Variants in OLFM3 observed in about 807,000 individuals in gnomAD.
The protein encoded by OLFM3 is noelin-3.
A neutral mutation model predicts 48.6 loss-of-function variants in OLFM3; 20 were observed. The ratio of observed to expected loss-of-function variants is 0.41; its 90% CI spans 0.29 to 0.60. The LOEUF (loss-of-function observed/expected upper bound fraction) is 0.60, where lower values mean the gene tolerates loss of function less well. Ranked by LOEUF, OLFM3 falls within the 20% of genes least tolerant of loss-of-function variation. The probability of loss-of-function intolerance (pLI) is 0.28; values close to 1 mark genes in which losing one functional copy is unlikely to be tolerated. For missense variants in OLFM3, 437 were observed against 544.3 expected (o/e 0.80, Z 1.96); for synonymous variants, 222 against 198.1 (o/e 1.12, Z -1.01).
intron 1 of OLFM3, among the ~76,000 whole-genome samples, chr1:101,971,815 G>A (rs1660813325): frequency 6.6e-6 from 1 of 151,964 alleles, no homozygotes; most frequent in African/African-American, 2.4e-5. Context: ...ATTCCTATGA[G>A]AACTAAAGGA....
intron 1 of OLFM3, among the ~76,000 whole-genome samples, chr1:101,869,628 G>A (rs1489097635): frequency 6.6e-6 from 1 of 152,028 alleles, no homozygotes; most frequent in African/African-American, 2.4e-5. Context: ...AGGGAGCAGG[G>A]GCAGAACGAT....
At chr1:101,905,434 G>A (rs1025679261) in intron 1 of OLFM3, among the ~76,000 whole-genome samples, 4 of 152,150 alleles carry the variant, frequency 2.6e-5, no homozygotes, top group African/African-American at 9.7e-5. Context: ...TCCAGACTGG[G>A]TGTGAGAAAC....
chr1:101,820,848 T>C (rs1654577510), intron 4 of OLFM3, among the ~76,000 whole-genome samples: 2 of 152,136 alleles, frequency 1.3e-5, no homozygotes, highest in Non-Finnish European at 2.9e-5. Context: ...GTTGTAATTT[T>C]ATTGTTTCTC....
chr1:101,832,766 C>T (rs1400810787), intron 2 of OLFM3, among the ~76,000 whole-genome samples: 1 of 152,190 alleles, frequency 6.6e-6, no homozygotes, highest in African/African-American at 2.4e-5. Flanking sequence ...CTACTCCTGT[C>T]TCTGGTTAGG....
At chr1:101,961,698 G>C (rs192332937) in intron 1 of OLFM3, among the ~76,000 whole-genome samples, 106 of 152,172 alleles carry the variant, frequency 7.0e-4, no homozygotes, top group African/African-American at 2.5e-3. Flanking sequence ...TTAGAAATAA[G>C]CAAATTATCA....
Position 101,956,086 on chromosome 1 carries a change from G to GTT in OLFM3, c.69+40660_69+40661dup, listed in dbSNP as rs71592232. On this transcript the variant is annotated intron_variant, in intron 1 of 5. Transcript: ENST00000370103. ...ATATCTCAATTCAACACAATAACAG[G>GTT]TTTTTTTTTTTTTTTTTAAAAAAAA... Among the ~76,000 whole-genome samples the GTT allele has an allele frequency of 5.9e-3, 621 of 105,062 alleles. 13 individuals carry two copies. The highest frequency in any genetic ancestry group is 0.029 in the Admixed American group (319 of 11,014). The allele number at this position is 105,062 out of a possible 152,430, so 68.9% of individuals were successfully genotyped here.
Position 101,859,615 on chromosome 1 carries a change from A to T in OLFM3, c.70-22590T>A, listed in dbSNP as rs116625876. 9.0e-3 allele frequency among the ~76,000 whole-genome samples: 1,376 copies of T among 152,210 alleles called. 48 individuals are homozygous for T. Among genetic ancestry groups the T allele is most frequent in the African/African-American group, 0.032 (1,322 of 41,476 alleles). On this transcript the variant is annotated intron_variant, in intron 1 of 5. Transcript: ENST00000370103. ...ACTGATTGAGCATTTCTAATCCAAA[A>T]ATCCAAAATCCAAAATGCTCCAGTG...
intron 1 of OLFM3, among the ~76,000 whole-genome samples, chr1:101,988,030 A>AC (rs2101117525): frequency 6.6e-6 from 1 of 152,156 alleles, no homozygotes; most frequent in East Asian, 1.9e-4. Flanking sequence ...TCTTGGAATA[A>AC]TGTAGTAGAA....
At chr1:101,898,182 G>A (rs1490343410) in intron 1 of OLFM3, among the ~76,000 whole-genome samples, 3 of 151,938 alleles carry the variant, frequency 2.0e-5, no homozygotes, top group African/African-American at 7.3e-5. Context: ...AGTTTTAGAA[G>A]GATGAGTTTA....
intron 5 of OLFM3, 39 bp downstream of exon 5, chr1:101,806,037 A>G (rs2100859628): frequency 5.5e-6 from 8 of 1,456,940 alleles, no homozygotes; most frequent in Non-Finnish European, 7.7e-6. Context: ...TGTAAGCAGA[A>G]CTTAATTCTA....
intron 1 of OLFM3, among the ~76,000 whole-genome samples, chr1:101,987,936 A>G (rs1224036777): frequency 6.6e-6 from 1 of 152,080 alleles, no homozygotes; most frequent in Non-Finnish European, 1.5e-5. Flanking sequence ...TACTATTTAG[A>G]AGTTAAAATC....
chr1:101,974,638 C>A (rs1263471732), intron 1 of OLFM3, among the ~76,000 whole-genome samples: 1 of 152,110 alleles, frequency 6.6e-6, no homozygotes. Context: ...TTGAAAAAAG[C>A]ACTGCTTTAA....
intron 1 of OLFM3, among the ~76,000 whole-genome samples, chr1:101,867,167 C>T (rs1426298355): frequency 6.6e-6 from 1 of 152,042 alleles, no homozygotes; most frequent in Non-Finnish European, 1.5e-5. Flanking sequence ...TTGGTGTGGC[C>T]AAGGAAGGCT....
At chr1:101,861,897 A>C (rs536814316) in intron 1 of OLFM3, among the ~76,000 whole-genome samples, 1 of 152,222 alleles carries the variant, frequency 6.6e-6, no homozygotes, top group African/African-American at 2.4e-5. Flanking sequence ...AGTTAGATTT[A>C]TTAACTTGTT....
chr1:101,907,942 A>G (rs973709024), intron 1 of OLFM3, among the ~76,000 whole-genome samples: 1 of 152,234 alleles, frequency 6.6e-6, no homozygotes, highest in African/African-American at 2.4e-5. Context: ...ATTATTATCT[A>G]TATGCATCCC....
chr1:101,826,831 A>C (rs1029058890), intron 3 of OLFM3, among the ~76,000 whole-genome samples: 1 of 152,202 alleles, frequency 6.6e-6, no homozygotes. Flanking sequence ...TTCTGTGGTT[A>C]TCATTTTCTG....
At chr1:101,838,802 T>A (rs1353627860) in intron 1 of OLFM3, among the ~76,000 whole-genome samples, 1 of 152,178 alleles carries the variant, frequency 6.6e-6, no homozygotes, top group Non-Finnish European at 1.5e-5. Context: ...TTAAAGTAAC[T>A]AAAGCATGAA....
In OLFM3 at chr1:101,803,049, A is replaced by T. The variant is rs1041311990; in HGVS notation, c.*1189T>A. 1.3e-5 allele frequency: 2 copies of T among 151,824 alleles called. No individual in the cohort carries two copies. The highest frequency in any genetic ancestry group is 3.0e-5 in the Non-Finnish European group (2 of 67,656). The allele number at this position is 151,824 out of a possible 1,614,324, so 9.4% of individuals were successfully genotyped here. A position where few individuals can be genotyped will look rare whatever the true frequency, so the allele number is the denominator to read the frequency against. ...ATTTTGTTTTCTGAATTGGTTATTT[A>T]CACTTTTGAAACCACAAAGACAACT... On this transcript the variant is annotated 3_prime_UTR_variant, in exon 6 of 6. Transcript: ENST00000370103.
At chr1:101,968,716 G>C (rs928918830) in intron 1 of OLFM3, among the ~76,000 whole-genome samples, 3 of 152,080 alleles carry the variant, frequency 2.0e-5, no homozygotes, top group Non-Finnish European at 4.4e-5. Flanking sequence ...AATTGTCCCT[G>C]TCTCTCAATG....
Sources: allele counts gnomAD v4.1 joint callset (sites outside exome capture counted in the v4.1 genomes callset), GRCh38; gene constraint gnomAD v4.1.1; transcripts MANE v1.5; gene names NCBI Gene and HGNC (gene_info 2026-07-23, HGNC 2026-07-21).